Variants in KCNG2 observed in about 807,000 individuals in gnomAD.
KCNG2 encodes voltage-gated potassium channel regulatory subunit KCNG2.
KCNG2 carries 7 observed loss-of-function variants against 12.3 expected under a neutral mutation model. The observed-to-expected ratio is 0.57, with a 90% CI of 0.32 to 1.07. The LOEUF (loss-of-function observed/expected upper bound fraction) is 1.07. Among genes scored for constraint, KCNG2 ranks in the 50% least tolerant of loss-of-function variants. KCNG2 has a pLI of 0.04. For missense variants in KCNG2, 703 were observed against 726.0 expected, an observed-to-expected ratio of 0.97 and a Z score of 0.36; for synonymous variants, 414 against 351.4, an observed-to-expected ratio of 1.18 and a Z score of -1.99.
At position 79,863,704 on chromosome 18, in the gene KCNG2, G is replaced by GGCA. The variant is rs757453609; in HGVS notation, c.38_39insCAG (p.Gly13_Thr14insArg). The GGCA allele has an allele frequency of 1.7e-6, 2 of 1,206,166 alleles. No homozygotes were observed. 74.7% of individuals were successfully genotyped at this position (1,206,166 alleles called of 1,614,324 possible). On this transcript the variant is annotated inframe_insertion, in exon 3 of 4. Coordinates refer to ENST00000316249, the MANE Select transcript of KCNG2 (RefSeq NM_012283.2). ...GCCCTGCTCCCCGGGCGGCGGCGGC[G>GGCA]GGACCCGCGCCCGGCACGTCATCAT...
At chr18:79,832,862 C>T (rs147354810) in intron 1 of KCNG2, among the ~76,000 whole-genome samples, 36 of 152,298 alleles carry the variant, frequency 2.4e-4, no homozygotes, top group Admixed American at 5.9e-4. Flanking sequence ...AGGGCTCCTG[C>T]GTCTGCTCCT....
intron 1 of KCNG2, among the ~76,000 whole-genome samples, chr18:79,856,086 T>C (rs1447779405): frequency 2.0e-5 from 3 of 152,248 alleles, no homozygotes; most frequent in Non-Finnish European, 4.4e-5. Context: ...TAATGTAGCA[T>C]ATAACTTACG....
At position 79,899,760 on chromosome 18, in the gene KCNG2, A is replaced by G. The variant is rs769348837; in HGVS notation, c.1345A>G (p.Ser449Gly). The change falls in exon 4 of 4, where the codon AGC (serine) becomes GGC (glycine). Residue 449 changes from serine to glycine, a missense_variant. Coordinates refer to ENST00000316249, the MANE Select transcript of KCNG2 (RefSeq NM_012283.2). ...CGAGGACAGCTCGCAGGGCCCCGAC[A>G]GCGCGGGCCTGGCCGACGACTCCGC... ...ATEDSSQGPDSAGLADDSADA... is the reference protein window; with the variant it reads ...ATEDSSQGPDGAGLADDSADA... 1.8e-5 allele frequency: 27 copies of G among 1,539,392 alleles called. No homozygotes were observed. The African/African-American group carries it at 3.3e-4, about 19-fold the overall frequency.
At chr18:79,876,145 C>G (rs1980061209) in intron 3 of KCNG2, 1 of 152,326 alleles carries the variant, frequency 6.6e-6, no homozygotes, top group African/African-American at 2.4e-5. Flanking sequence ...GGTGTTGGCG[C>G]CACATCCAGG....
chr18:79,853,695 A>G (rs529086192), intron 1 of KCNG2, among the ~76,000 whole-genome samples: 82 of 152,372 alleles, frequency 5.4e-4, no homozygotes, highest in African/African-American at 1.9e-3. Context: ...CGGTGTCAGC[A>G]GCACGTAGCT....
rs372656846 is a variant in KCNG2, at chr18:79,855,749, G to A, written c.-114-630G>A. 6.9e-4 allele frequency among the ~76,000 whole-genome samples: 105 copies of A among 152,166 alleles called. 1 individual carries two copies. Among genetic ancestry groups the A allele is most frequent in the African/African-American group, 2.5e-3 (102 of 41,504 alleles). On this transcript the variant is annotated intron_variant, in intron 1 of 3. Coordinates refer to ENST00000316249, the MANE Select transcript of KCNG2 (RefSeq NM_012283.2). ...TCAGCCTCTGCCCTCGTGCTGTGACGGCCATTCCCGTTCACCTCTGTCGTC... is the reference window on the plus strand; with the variant it reads ...TCAGCCTCTGCCCTCGTGCTGTGACAGCCATTCCCGTTCACCTCTGTCGTC...
At chr18:79,855,699 C>T (rs1011819166) in intron 1 of KCNG2, among the ~76,000 whole-genome samples, 15 of 152,086 alleles carry the variant, frequency 9.9e-5, no homozygotes, top group African/African-American at 3.4e-4. Context: ...GGACCCTGCA[C>T]GGCCCCTGCT....
chr18:79,862,024 G>A (rs1431529916), intron 2 of KCNG2, among the ~76,000 whole-genome samples: 2 of 151,852 alleles, frequency 1.3e-5, no homozygotes, highest in Admixed American at 6.6e-5. Flanking sequence ...TCTGTATTTG[G>A]TGAGACATCA....
In KCNG2 at chr18:79,812,679, G is replaced by T. The variant is rs566505908; in HGVS notation, c.-115+14665G>T. Among the ~76,000 whole-genome samples the T allele has an allele frequency of 3.3e-5, 5 of 152,260 alleles. No individual in the cohort carries two copies. In the East Asian group the frequency reaches 9.6e-4, roughly 29 times the overall value. On this transcript the variant is annotated intron_variant, in intron 1 of 3. Coordinates refer to ENST00000316249, the MANE Select transcript of KCNG2 (RefSeq NM_012283.2). The stretch of plus-strand genomic sequence containing the variant: ...AGTTCAAGACCAAGCTGGCCAACAT[G>T]GCAAAACCTCATCTTTACTAAAAAT...
chr18:79,899,553 C>A lies in KCNG2; in HGVS notation c.1138C>A (p.Leu380Met), dbSNP rs75339189. 1 of 1,602,482 alleles carries A rather than the reference C, an allele frequency of 6.2e-7. No individual in the cohort carries two copies. Reference protein sequence around the residue: ...VGYGDMVPRSLPGQVVALSSI... With the variant: ...VGYGDMVPRSMPGQVVALSSI... Reference sequence around the variant, plus strand: ...CTACGGCGACATGGTCCCGCGCAGCCTGCCCGGGCAGGTGGTGGCGCTCAG... The same window carrying A: ...CTACGGCGACATGGTCCCGCGCAGCATGCCCGGGCAGGTGGTGGCGCTCAG... The change falls in exon 4 of 4, where the codon CTG (leucine) becomes ATG (methionine). Residue 380 changes from leucine to methionine, a missense_variant. Transcript: ENST00000316249.
chr18:79,846,802 G>A (rs1176235877), intron 1 of KCNG2, among the ~76,000 whole-genome samples: 6 of 152,136 alleles, frequency 3.9e-5, no homozygotes, highest in East Asian at 1.9e-4. Flanking sequence ...TCCAGTTGTC[G>A]CATGGCCCTG....
rs1276402088 is a variant in KCNG2, at chr18:79,899,147, C to T, written c.732C>T (p.Cys244=). The change falls in exon 4 of 4, where the codon TGC becomes TGT. Residue 244 remains cysteine, a synonymous_variant. Coordinates refer to ENST00000316249, the MANE Select transcript of KCNG2 (RefSeq NM_012283.2). ...LLRSLQAESK[C]AFLRAPLNII... is the part of the protein sequence containing the mutation. ...GCTCCCTGCAGGCCGAGAGCAAGTG[C>T]GCCTTCCTGCGCGCGCCACTCAACA... The T allele has an allele frequency of 6.2e-6, 10 of 1,607,058 alleles. No individual in the cohort carries two copies. The highest frequency in any genetic ancestry group is 2.2e-5 in the South Asian group (2 of 90,934).
intron 3 of KCNG2, among the ~76,000 whole-genome samples, chr18:79,881,952 GAGAA>G (rs1385107569): frequency 6.6e-6 from 1 of 152,162 alleles, no homozygotes; most frequent in Admixed American, 6.5e-5. Flanking sequence ...GCCGGGCACG[GAGAA>G]AGAATCGTCT....
chr18:79,801,314 G>A (rs992299812), intron 1 of KCNG2, among the ~76,000 whole-genome samples: 25 of 152,364 alleles, frequency 1.6e-4, no homozygotes, highest in African/African-American at 4.3e-4. Flanking sequence ...TGTGAGAACC[G>A]GTACCTGTGA....
rs1281288106 is a variant in KCNG2 at position 79,799,766 on chromosome 18, G to A, written c.-115+1752G>A. On this transcript the variant is annotated intron_variant, in intron 1 of 3. Coordinates refer to ENST00000316249, the MANE Select transcript of KCNG2 (RefSeq NM_012283.2). ...GGCTGCTCAGCTTTCCCTTTTCAGC[G>A]CCTGGCTGAGCCCTGCTTGTGCCAG... Among the ~76,000 whole-genome samples, 7 of 152,348 alleles carry A rather than the reference G, an allele frequency of 4.6e-5. No individual in the cohort carries two copies. The South Asian group carries it at 6.2e-4, about 14-fold the overall frequency.
intron 3 of KCNG2, among the ~76,000 whole-genome samples, chr18:79,879,292 G>T (rs1980200520): frequency 6.6e-6 from 1 of 152,226 alleles, no homozygotes; most frequent in Admixed American, 6.5e-5. Context: ...CCCAGTGGTT[G>T]GCAAGCCCCA....
At chr18:79,825,031 G>C (rs547624693) in intron 1 of KCNG2, among the ~76,000 whole-genome samples, 1 of 152,134 alleles carries the variant, frequency 6.6e-6, no homozygotes, top group South Asian at 2.1e-4. Context: ...GTAGAGCATG[G>C]AGACTATCTA....
intron 1 of KCNG2, among the ~76,000 whole-genome samples, chr18:79,811,429 G>A (rs2087493468): frequency 6.6e-6 from 1 of 152,168 alleles, no homozygotes; most frequent in Non-Finnish European, 1.5e-5. Context: ...TACATCTGTG[G>A]TCAGCTGACT....
chr18:79,832,883 G>A (rs1186723723), intron 1 of KCNG2, among the ~76,000 whole-genome samples: 1 of 152,140 alleles, frequency 6.6e-6, no homozygotes, highest in Admixed American at 6.5e-5. Context: ...TAAGCCCCTG[G>A]CACCTTAAGG....
Sources: gnomAD v4.1 joint callset for allele counts (sites outside exome capture counted in the v4.1 genomes callset) on GRCh38, gnomAD v4.1.1 for gene constraint, MANE v1.5 for transcripts, NCBI Gene and HGNC (gene_info 2026-07-23, HGNC 2026-07-21) for gene names.